PLPP3: variants seen among roughly 807,000 people sequenced by gnomAD.
PLPP3 encodes PAP2 beta.
Under a neutral mutation model 29.6 loss-of-function variants are expected in PLPP3, and 6 were observed. The observed-to-expected ratio is 0.20, with a 90% CI of 0.11 to 0.40. The LOEUF is 0.40. Ranked by LOEUF, PLPP3 falls within the 10% of genes least tolerant of loss-of-function variation. The probability of loss-of-function intolerance (pLI) is 1.00; values close to 1 mark genes in which losing one functional copy is unlikely to be tolerated. For synonymous variants in PLPP3, 152 were observed against 159.7 expected, an observed-to-expected ratio of 0.95 and a Z score of 0.36; for missense variants, 308 against 407.7, an observed-to-expected ratio of 0.76 and a Z score of 2.11.
chr1:56,564,853 A>G (rs574171916), intron 1 of PLPP3, among the ~76,000 whole-genome samples: 1 of 152,332 alleles, frequency 6.6e-6, no homozygotes, highest in Non-Finnish European at 1.5e-5. Context: ...GATTTAAATG[A>G]CAAACCCAAT....
intron 1 of PLPP3, among the ~76,000 whole-genome samples, chr1:56,550,802 G>A (rs1646033024): frequency 6.6e-6 from 1 of 151,612 alleles, no homozygotes; most frequent in African/African-American, 2.4e-5. Flanking sequence ...GTATTGCCAT[G>A]ACAGCTGCCT....
intron 5 of PLPP3, among the ~76,000 whole-genome samples, chr1:56,506,735 C>T (rs1357864039): frequency 6.6e-6 from 1 of 152,108 alleles, no homozygotes; most frequent in African/African-American, 2.4e-5. Flanking sequence ...AAGTTCACAT[C>T]TTTGGTAGGG....
chr1:56,541,595 A>G (rs1373989464), intron 1 of PLPP3, among the ~76,000 whole-genome samples: 1 of 152,134 alleles, frequency 6.6e-6, no homozygotes, highest in African/African-American at 2.4e-5. Flanking sequence ...ACATTAAGCC[A>G]CCCTAAGGTT....
intron 2 of PLPP3, among the ~76,000 whole-genome samples, chr1:56,529,357 T>G (rs993076): frequency 0.95 from 144,449 of 152,172 alleles, 69,027 homozygotes; most frequent in East Asian, 1. Flanking sequence ...CAGAGAGACA[T>G]ATGTTCACAG....
At chr1:56,536,130 G>A (rs995901625) in intron 2 of PLPP3, among the ~76,000 whole-genome samples, 5 of 152,060 alleles carry the variant, frequency 3.3e-5, no homozygotes, top group Non-Finnish European at 7.4e-5. Context: ...TGGGTATAGC[G>A]GGCTCCTTTG....
intron 1 of PLPP3, among the ~76,000 whole-genome samples, chr1:56,562,537 A>G (rs1332367874): frequency 6.6e-6 from 1 of 152,268 alleles, no homozygotes; most frequent in Non-Finnish European, 1.5e-5. Context: ...TGTACAAACA[A>G]GAGCTTGCAG....
intron 5 of PLPP3, among the ~76,000 whole-genome samples, chr1:56,504,835 A>G (rs1254303609): frequency 6.6e-6 from 1 of 152,178 alleles, no homozygotes; most frequent in East Asian, 1.9e-4. Context: ...TCAGTAGTGT[A>G]TCCCATCCCA....
At chr1:56,546,601 G>A (rs1447990386) in intron 1 of PLPP3, among the ~76,000 whole-genome samples, 3 of 152,174 alleles carry the variant, frequency 2.0e-5, no homozygotes, top group African/African-American at 7.2e-5. Flanking sequence ...CAAGTCACCA[G>A]GGCAAGGTAG....
intron 1 of PLPP3, 80 bp downstream of exon 1, chr1:56,578,798 T>A (rs558656709): frequency 7.7e-7 from 1 of 1,298,292 alleles, no homozygotes; most frequent in African/African-American, 1.7e-5. Flanking sequence ...GGCGCGGCGC[T>A]GCGCGGCCCC....
At chr1:56,521,525 A>T (rs973320976) in intron 4 of PLPP3, among the ~76,000 whole-genome samples, 33 of 151,930 alleles carry the variant, frequency 2.2e-4, no homozygotes, top group African/African-American at 7.7e-4. Flanking sequence ...GAGGTGGGGG[A>T]TATAATAACA....
intron 1 of PLPP3, among the ~76,000 whole-genome samples, chr1:56,560,851 T>C (rs1297358170): frequency 6.8e-6 from 1 of 146,362 alleles, no homozygotes; most frequent in Non-Finnish European, 1.5e-5. Context: ...TTTTTTTTTT[T>C]TTTTGAGACA....
At chr1:56,568,827 A>G (rs999705629) in intron 1 of PLPP3, among the ~76,000 whole-genome samples, 1 of 151,986 alleles carries the variant, frequency 6.6e-6, no homozygotes, top group Non-Finnish European at 1.5e-5. Context: ...GGGTTTCACC[A>G]TCTTGGCCAG....
rs545155616 is a variant in PLPP3 at position 56,495,789 on chromosome 1, C to T, written c.*762G>A. 6 of 152,740 alleles carry T rather than the reference C, an allele frequency of 3.9e-5. No homozygotes were observed. Among genetic ancestry groups the T allele is most frequent in the South Asian group, 4.1e-4 (2 of 4,832 alleles). 9.5% of individuals were successfully genotyped at this position (152,740 alleles called of 1,614,324 possible). A position where few individuals can be genotyped will look rare whatever the true frequency, so the allele number is the denominator to read the frequency against. ...GAGTATGCAAGTGCCCGGTGATTGA[C>T]GTGCACAACATCAGCATCCTGCAAT... On this transcript the variant is annotated 3_prime_UTR_variant, in exon 6 of 6. Coordinates refer to ENST00000371250, the MANE Select transcript of PLPP3 (RefSeq NM_003713.5).
At chr1:56,506,430 A>C (rs1469888484) in intron 5 of PLPP3, among the ~76,000 whole-genome samples, 1 of 152,124 alleles carries the variant, frequency 6.6e-6, no homozygotes, top group Non-Finnish European at 1.5e-5. Flanking sequence ...CCTTCCCTAC[A>C]TCTGGAGGAA....
At chr1:56,560,998 C>T (rs867429019) in intron 1 of PLPP3, among the ~76,000 whole-genome samples, 37 of 149,138 alleles carry the variant, frequency 2.5e-4, no homozygotes, top group South Asian at 6.4e-4. Flanking sequence ...CCACCATGCC[C>T]GGGTAATTTT....
intron 1 of PLPP3, chr1:56,538,426 C>G (rs985707240): frequency 1.3e-5 from 5 of 392,464 alleles, no homozygotes; most frequent in Admixed American, 2.4e-5. Flanking sequence ...TCAGCTGGAA[C>G]TGCCATCTTC....
At chr1:56,500,090 C>G (rs1302182128) in intron 5 of PLPP3, among the ~76,000 whole-genome samples, 1 of 152,176 alleles carries the variant, frequency 6.6e-6, no homozygotes, top group African/African-American at 2.4e-5. Flanking sequence ...TTTTCAATTC[C>G]GTTTCTCCAA....
chr1:56,562,089 A>G (rs1646133893), intron 1 of PLPP3, among the ~76,000 whole-genome samples: 1 of 151,186 alleles, frequency 6.6e-6, no homozygotes, highest in African/African-American at 2.4e-5. Context: ...GCACATACCA[A>G]GCAAAGAGAA....
At chr1:56,536,869 A>C in intron 2 of PLPP3, 86 bp downstream of exon 2, 2 of 1,534,130 alleles carry the variant, frequency 1.3e-6, no homozygotes, top group Non-Finnish European at 1.8e-6. Context: ...ACTTGGTATA[A>C]GTCTCTGTTG....
Sources: allele counts gnomAD v4.1 joint callset (sites outside exome capture counted in the v4.1 genomes callset), GRCh38; gene constraint gnomAD v4.1.1; transcripts MANE v1.5; gene names NCBI Gene and HGNC (gene_info 2026-07-23, HGNC 2026-07-21).